MSR1: variants seen among roughly 807,000 people sequenced by gnomAD.
MSR1 encodes macrophage scavenger receptor types I and II.
A neutral mutation model predicts 47.2 loss-of-function variants in MSR1; 53 were observed. That is an observed-to-expected ratio of 1.12 (90% CI 0.90 to 1.41). The LOEUF is 1.41. Ranked by LOEUF, MSR1 falls within the 40% of genes most tolerant of loss-of-function variation. The pLI, the probability that MSR1 is intolerant of heterozygous loss-of-function variation, is 0.00. For missense variants in MSR1, 786 were observed against 546.9 expected, an observed-to-expected ratio of 1.44 and a Z score of -4.36; for synonymous variants, 239 against 185.6, an observed-to-expected ratio of 1.29 and a Z score of -2.34.
chr8:16,137,768 G>C (rs1049168442), intron 8 of MSR1, among the ~76,000 whole-genome samples: 2 of 152,110 alleles, frequency 1.3e-5, no homozygotes, highest in African/African-American at 4.8e-5. Context: ...TGAGGCAGGA[G>C]GATCGCTTGA....
intron 7 of MSR1, among the ~76,000 whole-genome samples, chr8:16,145,736 A>G (rs564577293): frequency 7.2e-5 from 11 of 152,290 alleles, no homozygotes; most frequent in Non-Finnish European, 1.3e-4. Flanking sequence ...AATGTTTTGT[A>G]TCATTTTAAC....
intron 3 of MSR1, among the ~76,000 whole-genome samples, chr8:16,170,168 T>G (rs1017926526): frequency 1.3e-5 from 2 of 152,070 alleles, no homozygotes; most frequent in African/African-American, 4.8e-5. Flanking sequence ...GCCAACATGA[T>G]GAAACCCCGT....
At chr8:16,150,944 T>C (rs1380625773) in intron 6 of MSR1, among the ~76,000 whole-genome samples, 1 of 151,910 alleles carries the variant, frequency 6.6e-6, no homozygotes, top group Non-Finnish European at 1.5e-5. Context: ...ATCCAGGGTT[T>C]CATATGCTTA....
chr8:16,167,743 AAT>A (rs1283145504), intron 4 of MSR1, among the ~76,000 whole-genome samples: 1 of 152,086 alleles, frequency 6.6e-6, no homozygotes, highest in African/African-American at 2.4e-5. Context: ...CAACTTAATC[AAT>A]GTCTATCCTG....
intron 8 of MSR1, among the ~76,000 whole-genome samples, chr8:16,129,421 C>T (rs1168166274): frequency 6.6e-6 from 1 of 151,990 alleles, no homozygotes; most frequent in Non-Finnish European, 1.5e-5. Context: ...TGAAACAAGC[C>T]AACTGTGTCG....
rs753975107 is a variant in MSR1, at chr8:16,177,957, T to A, written c.32A>T (p.Gln11Leu). ...TTCGGAGCAGCTATCAGTGTCCTCCTGTTGATTGTGAAAGTGATCCCACTG... is the reference window on the plus strand; with the variant it reads ...TTCGGAGCAGCTATCAGTGTCCTCCAGTTGATTGTGAAAGTGATCCCACTG... MEQWDHFHNQ[Q>L]EDTDSCSESV... is the part of the protein sequence containing the mutation. Residue 11 changes from glutamine to leucine, a missense_variant, in exon 2 of 10, where the codon CAG becomes CTG. Transcript: ENST00000262101. The A allele has an allele frequency of 4.3e-6, 7 of 1,613,952 alleles. No homozygotes were observed. The highest frequency in any genetic ancestry group is 5.1e-6 in the Non-Finnish European group (6 of 1,179,916).
At chr8:16,168,364 G>T (rs1235276549) in intron 4 of MSR1, 94 bp downstream of exon 4, 9 of 1,266,278 alleles carry the variant, frequency 7.1e-6, no homozygotes, top group Non-Finnish European at 1.0e-5. Flanking sequence ...GATGAAACAG[G>T]GTTTGCAACT....
At chr8:16,181,886 T>G (rs561795683) in intron 1 of MSR1, among the ~76,000 whole-genome samples, 53 of 152,268 alleles carry the variant, frequency 3.5e-4, no homozygotes, top group Admixed American at 1.1e-3. Flanking sequence ...ACTCAGTTTG[T>G]AAAAGATGGA....
At chr8:16,120,638 A>AAAAAAAAAAAC (rs1799981684) in intron 8 of MSR1, 32 bp from the exon 9 acceptor site, 1 of 1,551,458 alleles carries the variant, frequency 6.4e-7, no homozygotes, top group African/African-American at 1.4e-5. Context: ...AAAAAAAAAA[A>AAAAAAAAAAAC]AAAGGCAAGC....
chr8:16,126,944 T>C (rs1800142852), intron 8 of MSR1, among the ~76,000 whole-genome samples: 1 of 152,148 alleles, frequency 6.6e-6, no homozygotes. Flanking sequence ...GGGGATTAAG[T>C]AAAGGAGGTA....
At chr8:16,148,089 C>A (rs113735361) in intron 7 of MSR1, among the ~76,000 whole-genome samples, 10 of 152,094 alleles carry the variant, frequency 6.6e-5, no homozygotes, top group Admixed American at 6.5e-4. Context: ...TTTAGTCCAG[C>A]GCTAACAAAC....
intron 1 of MSR1, among the ~76,000 whole-genome samples, chr8:16,179,892 A>AAT (rs890860361): frequency 5.3e-5 from 8 of 151,246 alleles, no homozygotes; most frequent in Non-Finnish European, 7.4e-5. Flanking sequence ...AAAAAAAAAA[A>AAT]AAAAAAAAAA....
intron 1 of MSR1, among the ~76,000 whole-genome samples, chr8:16,185,590 T>C (rs1801971593): frequency 6.6e-6 from 1 of 152,114 alleles, no homozygotes; most frequent in Non-Finnish European, 1.5e-5. Context: ...CGCTCTCATC[T>C]ATAAGACCCA....
intron 3 of MSR1, among the ~76,000 whole-genome samples, chr8:16,172,611 A>G (rs1299439067): frequency 6.6e-6 from 1 of 152,082 alleles, no homozygotes; most frequent in South Asian, 2.1e-4. Flanking sequence ...TATTGGAATT[A>G]TCTTTTCATA....
At chr8:16,178,109 T>A (rs1403477560) in intron 1 of MSR1, 117 bp from the exon 2 acceptor site, 8 of 777,044 alleles carry the variant, frequency 1.0e-5, no homozygotes, top group African/African-American at 3.5e-5. Context: ...TTTTCTTTTT[T>A]TTTTTTAATT....
intron 5 of MSR1, among the ~76,000 whole-genome samples, chr8:16,163,586 G>A (rs866574201): frequency 6.6e-6 from 1 of 151,214 alleles, no homozygotes; most frequent in East Asian, 1.9e-4. Flanking sequence ...ATATATATAA[G>A]TAAGATCCAA....
intron 1 of MSR1, among the ~76,000 whole-genome samples, chr8:16,187,084 A>C (rs1175804557): frequency 6.6e-6 from 1 of 151,680 alleles, no homozygotes; most frequent in Non-Finnish European, 1.5e-5. Flanking sequence ...TTAAAGTCTG[A>C]CTCAAAAAAG....
chr8:16,131,557 G>T (rs1160563969), intron 8 of MSR1, among the ~76,000 whole-genome samples: 3 of 147,002 alleles, frequency 2.0e-5, no homozygotes, highest in African/African-American at 7.5e-5. Context: ...ATCTTTACCA[G>T]GTCCTATGTT....
intron 8 of MSR1, among the ~76,000 whole-genome samples, chr8:16,137,216 G>A (rs1265719729): frequency 2.6e-5 from 4 of 152,084 alleles, no homozygotes. Context: ...AGCATTCTAG[G>A]AAGACTATGT....
Sources: gnomAD v4.1 joint callset for allele counts (sites outside exome capture counted in the v4.1 genomes callset) on GRCh38, gnomAD v4.1.1 for gene constraint, MANE v1.5 for transcripts, NCBI Gene and HGNC (gene_info 2026-07-23, HGNC 2026-07-21) for gene names.